The following KCNH8 variants were observed in gnomAD, a reference collection of about 807,000 sequenced individuals.
KCNH8 encodes the protein potassium voltage-gated channel subfamily H member 8.
In KCNH8, 70 loss-of-function variants were observed where a neutral mutation model predicts 103.6. That is an observed-to-expected ratio of 0.68 (90% confidence interval 0.56 to 0.82). The LOEUF is 0.82. Among genes scored for constraint, KCNH8 ranks in the 40% least tolerant of loss-of-function variants. The probability of loss-of-function intolerance (pLI) is 0.00; values close to 1 mark genes in which losing one functional copy is unlikely to be tolerated. For synonymous variants in KCNH8, 498 were observed against 489.4 expected, an observed-to-expected ratio of 1.02 and a Z score of -0.23; for missense variants, 1,217 against 1,329.9, an observed-to-expected ratio of 0.92 and a Z score of 1.32.
chr3:19,284,509 G>T (rs915711623), intron 3 of KCNH8, among the ~76,000 whole-genome samples: 414 of 12,152 alleles, frequency 0.034, 6 homozygotes, highest in African/African-American at 0.17. Context: ...GGATCTGCTG[G>T]TGTGTGTGTG....
At chr3:19,500,053 G>A (rs150020893) in intron 11 of KCNH8, among the ~76,000 whole-genome samples, 8,348 of 151,994 alleles carry the variant, frequency 0.055, 244 homozygotes, top group South Asian at 0.079. Context: ...CCATCTCACA[G>A]GCAGAGACAC....
At chr3:19,346,475 G>A (rs756020913) in intron 4 of KCNH8, among the ~76,000 whole-genome samples, 2 of 152,186 alleles carry the variant, frequency 1.3e-5, no homozygotes, top group South Asian at 2.1e-4. Context: ...TGAGATGCCT[G>A]TGTGGGTTGA....
At chr3:19,467,607 G>C (rs961259850) in intron 11 of KCNH8, among the ~76,000 whole-genome samples, 34 of 152,214 alleles carry the variant, frequency 2.2e-4, no homozygotes, top group Admixed American at 1.8e-3. Flanking sequence ...GGGAGCACGG[G>C]GGGCATGGTG....
intron 2 of KCNH8, among the ~76,000 whole-genome samples, chr3:19,278,494 GAGGA>G (rs1414993319): frequency 1.8e-5 from 2 of 113,598 alleles, no homozygotes; most frequent in Non-Finnish European, 3.5e-5. Flanking sequence ...GGAGGGAAAT[GAGGA>G]AGGGAGGGAG....
chr3:19,501,556 C>T (rs2068583663), intron 11 of KCNH8, among the ~76,000 whole-genome samples: 1 of 152,200 alleles, frequency 6.6e-6, no homozygotes, highest in African/African-American at 2.4e-5. Context: ...AATCCAGCAG[C>T]ACATCAAAAA....
At chr3:19,268,757 G>A (rs1048105127) in intron 2 of KCNH8, among the ~76,000 whole-genome samples, 5 of 152,036 alleles carry the variant, frequency 3.3e-5, no homozygotes, top group South Asian at 4.1e-4. Context: ...TCTGGGGATG[G>A]GGCCCAGCAC....
At chr3:19,227,185 A>T (rs1161758209) in intron 1 of KCNH8, among the ~76,000 whole-genome samples, 2 of 152,206 alleles carry the variant, frequency 1.3e-5, no homozygotes. Context: ...CAGACAAGAC[A>T]TCTGCTCCCC....
chr3:19,227,562 G>A (rs1177294139), intron 1 of KCNH8, among the ~76,000 whole-genome samples: 1 of 152,068 alleles, frequency 6.6e-6, no homozygotes, highest in Non-Finnish European at 1.5e-5. Context: ...ACACGCAGAG[G>A]GACACATAGG....
chr3:19,308,685 T>C (rs1444941995), intron 3 of KCNH8, among the ~76,000 whole-genome samples: 5 of 64,478 alleles, frequency 7.8e-5, no homozygotes, highest in African/African-American at 3.4e-4. Flanking sequence ...TCTCTCTCTC[T>C]CTCTCTCTCT....
At chr3:19,153,817 A>G (rs1413640662) in intron 1 of KCNH8, among the ~76,000 whole-genome samples, 1 of 151,702 alleles carries the variant, frequency 6.6e-6, no homozygotes, top group African/African-American at 2.4e-5. Flanking sequence ...CATTTTTAGT[A>G]GAGACGGGGT....
chr3:19,238,330 C>G (rs2064091201), intron 1 of KCNH8, among the ~76,000 whole-genome samples: 1 of 152,152 alleles, frequency 6.6e-6, no homozygotes, highest in Non-Finnish European at 1.5e-5. Context: ...TAAGAGTGCT[C>G]TCTCTTCTAT....
chr3:19,486,683 T>G (rs2068217926), intron 11 of KCNH8, among the ~76,000 whole-genome samples: 1 of 152,204 alleles, frequency 6.6e-6, no homozygotes, highest in East Asian at 1.9e-4. Context: ...TACAAAAGAC[T>G]AGCTCTTGTA....
Position 19,333,372 on chromosome 3 carries a change from A to G in KCNH8, c.443-9215A>G, listed in dbSNP as rs534623628. Among the ~76,000 whole-genome samples, 22 of 152,318 alleles carry G rather than the reference A, an allele frequency of 1.4e-4. 1 individual carries two copies. Among genetic ancestry groups the G allele is most frequent in the African/African-American group, 5.3e-4 (22 of 41,592 alleles). On this transcript the variant is annotated intron_variant, in intron 3 of 15. Transcript: ENST00000328405. The stretch of plus-strand genomic sequence containing the variant: ...TAACAGTAACCGTGCAATTGTTTTG[A>G]ACCTAAATCAACAAAAGATTTTTTG...
intron 3 of KCNH8, among the ~76,000 whole-genome samples, chr3:19,342,193 GA>G (rs2065669501): frequency 1.3e-5 from 2 of 152,014 alleles, no homozygotes; most frequent in Admixed American, 1.3e-4. Context: ...TTTATGCAGA[GA>G]AAAAATAATT....
intron 11 of KCNH8, among the ~76,000 whole-genome samples, chr3:19,494,641 T>A (rs1262186870): frequency 1.3e-5 from 2 of 152,230 alleles, no homozygotes; most frequent in Non-Finnish European, 2.9e-5. Context: ...TTTGCTATTG[T>A]GAACAGTGCT....
intron 3 of KCNH8, among the ~76,000 whole-genome samples, chr3:19,318,662 T>TGTGTACAC (rs1491117852): frequency 0.012 from 1,663 of 142,414 alleles, 31 homozygotes; most frequent in African/African-American, 0.038. Flanking sequence ...TGTGTGTGTG[T>TGTGTACAC]ACACACACAC....
At chr3:19,367,449 C>A (rs1434914344) in intron 5 of KCNH8, among the ~76,000 whole-genome samples, 3 of 146,182 alleles carry the variant, frequency 2.1e-5, no homozygotes, top group African/African-American at 7.5e-5. Flanking sequence ...ATATATATAT[C>A]AGAAATATAT....
At chr3:19,214,092 A>G (rs1156505578) in intron 1 of KCNH8, among the ~76,000 whole-genome samples, 1 of 152,142 alleles carries the variant, frequency 6.6e-6, no homozygotes, top group African/African-American at 2.4e-5. Context: ...CTAGAGGGTG[A>G]TGGCCTATTG....
chr3:19,369,472 C>T (rs190632870), intron 5 of KCNH8, among the ~76,000 whole-genome samples: 69 of 152,012 alleles, frequency 4.5e-4, no homozygotes, highest in Non-Finnish European at 3.8e-4. Context: ...CCTTTCTCTC[C>T]GCTGTATCAC....
Sources: allele counts gnomAD v4.1 joint callset (sites outside exome capture counted in the v4.1 genomes callset), GRCh38; gene constraint gnomAD v4.1.1; transcripts MANE v1.5; gene names NCBI Gene and HGNC (gene_info 2026-07-23, HGNC 2026-07-21).